IKZF2: variants seen among roughly 807,000 people sequenced by gnomAD.
IKZF2 encodes the protein zinc finger protein Helios.
A neutral mutation model predicts 49.2 loss-of-function variants in IKZF2; 15 were observed. That is an observed-to-expected ratio of 0.30 (90% CI 0.20 to 0.47). The LOEUF is 0.47. Ranked by LOEUF, IKZF2 falls within the 20% of genes least tolerant of loss-of-function variation. The pLI is 1.00. For missense variants in IKZF2, 567 were observed against 664.6 expected, an observed-to-expected ratio of 0.85 and a Z score of 1.61; for synonymous variants, 227 against 221.4, an observed-to-expected ratio of 1.03 and a Z score of -0.23.
chr2:213,151,788 A>T (rs1000250173), upstream of IKZF2, among the ~76,000 whole-genome samples: 1 of 146,640 alleles, frequency 6.8e-6, no homozygotes, highest in Non-Finnish European at 1.5e-5. Context: ...GGGCGAGCGG[A>T]CGTGCGTGCG....
At chr2:213,079,489 AAAAG>A (rs1280635648) in intron 4 of IKZF2, among the ~76,000 whole-genome samples, 4 of 148,826 alleles carry the variant, frequency 2.7e-5, no homozygotes, top group Non-Finnish European at 4.5e-5. Flanking sequence ...GAGAGAGAAA[AAAAG>A]AAAGAGAGAG....
In IKZF2 at chr2:213,006,567, G is replaced by A. The variant is rs914696895; in HGVS notation, c.*793C>T. ...CCTTTTATCCACTCTTAGACCATATGTTATTCTGAAAACTACATAAAAATA... is the reference window on the plus strand; with the variant it reads ...CCTTTTATCCACTCTTAGACCATATATTATTCTGAAAACTACATAAAAATA... On this transcript the variant is annotated 3_prime_UTR_variant, in exon 9 of 9. Transcript: ENST00000434687. The A allele has an allele frequency of 6.6e-6, 1 of 152,384 alleles. No homozygotes were observed. The highest frequency in any genetic ancestry group is 2.4e-5 in the African/African-American group (1 of 41,416). The allele number at this position is 152,384 out of a possible 1,614,324, so 9.4% of individuals were successfully genotyped here.
Position 213,015,253 on chromosome 2 carries a change from G to T in IKZF2, c.713-1319C>A, listed in dbSNP as rs1416027247. 4.6e-5 allele frequency: 7 copies of T among 152,146 alleles called. No homozygotes were observed. The East Asian group carries it at 1.4e-3, about 29-fold the overall frequency. The allele number at this position is 152,146 out of a possible 1,614,324, so 9.4% of individuals were successfully genotyped here. On this transcript the variant is annotated intron_variant, in intron 7 of 8. Transcript: ENST00000434687. ...CAAGTTTTGATTAACCTATAGATGG[G>T]TCAAAAAAATTGAATTGTAATCTAC... is the stretch of plus-strand genomic sequence containing the variant.
Position 213,047,808 on chromosome 2 carries a change from T to C in IKZF2, c.574+1905A>G, listed in dbSNP as rs553951807. Among the ~76,000 whole-genome samples, 9 of 152,158 alleles carry C rather than the reference T, an allele frequency of 5.9e-5. No individual in the cohort carries two copies. The East Asian group carries it at 1.4e-3, about 23-fold the overall frequency. On this transcript the variant is annotated intron_variant, in intron 6 of 8. Transcript: ENST00000434687. The stretch of plus-strand genomic sequence containing the variant: ...AATACTTACCTCATAATTTTGGTTA[T>C]TGAAAAATTATAGTAATATAAGAAA...
intron 7 of IKZF2, among the ~76,000 whole-genome samples, chr2:213,021,140 G>A (rs1160888653): frequency 1.3e-5 from 2 of 152,114 alleles, no homozygotes; most frequent in Non-Finnish European, 2.9e-5. Context: ...TTGAACCGGG[G>A]AGGCAGAGGT....
At chr2:213,074,575 T>C (rs565684285) in intron 4 of IKZF2, among the ~76,000 whole-genome samples, 7 of 152,300 alleles carry the variant, frequency 4.6e-5, no homozygotes, top group African/African-American at 9.6e-5. Flanking sequence ...AGATGGAACA[T>C]TAGTTAGAAT....
At chr2:213,023,732 C>T (rs1697486794) in intron 6 of IKZF2, among the ~76,000 whole-genome samples, 1 of 152,104 alleles carries the variant, frequency 6.6e-6, no homozygotes, top group South Asian at 2.1e-4. Flanking sequence ...TGAATTTATA[C>T]TGAACAAGTT....
At chr2:213,127,994 T>C (rs554889399) in intron 4 of IKZF2, among the ~76,000 whole-genome samples, 26 of 151,648 alleles carry the variant, frequency 1.7e-4, no homozygotes, top group African/African-American at 6.3e-4. Flanking sequence ...TAGAAAAAGC[T>C]AAATAAAGTT....
intron 5 of IKZF2, among the ~76,000 whole-genome samples, chr2:213,056,120 C>T (rs951650838): frequency 3.3e-5 from 5 of 151,936 alleles, no homozygotes; most frequent in Non-Finnish European, 5.9e-5. Flanking sequence ...TAAATAAGAC[C>T]TTCTCATTTG....
At position 213,124,235 on chromosome 2, in the gene IKZF2, T is replaced by TGCACTC. The variant is rs1491243894; in HGVS notation, c.139+23472_139+23473insGAGTGC. Reference sequence around the variant, plus strand: ...GCATGTCCTTGTGTGCACGCACACATGCGCTCGCGCGCGCGCGCACACACA... The same window carrying TGCACTC: ...GCATGTCCTTGTGTGCACGCACACATGCACTCGCGCTCGCGCGCGCGCGCACACACA... On this transcript the variant is annotated intron_variant, in intron 4 of 8. Transcript: ENST00000434687. Among the ~76,000 whole-genome samples the TGCACTC allele has an allele frequency of 7.5e-3, 861 of 114,658 alleles. 7 individuals carry two copies. The highest frequency in any genetic ancestry group is 0.043 in the East Asian group (121 of 2,844). 75.2% of individuals were successfully genotyped at this position (114,658 alleles called of 152,430 possible).
chr2:213,099,385 G>T (rs140097901), intron 4 of IKZF2, among the ~76,000 whole-genome samples: 1 of 152,014 alleles, frequency 6.6e-6, no homozygotes, highest in Admixed American at 6.6e-5. Flanking sequence ...TTTGAAAAGG[G>T]ATTCTTTCTT....
chr2:213,075,939 A>C (rs1316137485), intron 4 of IKZF2, among the ~76,000 whole-genome samples: 2 of 152,206 alleles, frequency 1.3e-5, no homozygotes, highest in African/African-American at 4.8e-5. Context: ...CCACCACCAC[A>C]CTCTACCAAA....
chr2:213,146,599 G>A (rs1235019260), intron 4 of IKZF2, among the ~76,000 whole-genome samples: 3 of 151,972 alleles, frequency 2.0e-5, no homozygotes, highest in East Asian at 3.9e-4. Flanking sequence ...AATTTCAGTA[G>A]TATTTACTAA....
Position 213,007,865 on chromosome 2 carries a change from T to C in IKZF2, c.1076A>G (p.Tyr359Cys), listed in dbSNP as rs751327038. Residue 359 changes from tyrosine (Y) to cysteine (C), a missense_variant, in exon 9 of 9, where the codon TAT becomes TGT. Physicochemically the swap from Tyr to Cys is radical, Grantham distance 194. This residue lies in a region of IKZF2 where 310 missense variants were observed against 326.9 expected (regional missense o/e 0.95). Transcript: ENST00000434687. ...PVISSAYSQV[Y>C]HPNRIERPIS... Reference sequence around the variant, plus strand: ...GGGTCTTTCTATCCTATTTGGATGATAGACCTGAGAATAAGCTGAGCTTAT... The same window carrying C: ...GGGTCTTTCTATCCTATTTGGATGACAGACCTGAGAATAAGCTGAGCTTAT... 74 of 1,613,482 alleles carry C rather than the reference T, an allele frequency of 4.6e-5. No individual in the cohort carries two copies. Among genetic ancestry groups the C allele is most frequent in the Non-Finnish European group, 4.4e-5 (52 of 1,179,752 alleles).
chr2:213,041,968 T>C (rs10207031), intron 6 of IKZF2, among the ~76,000 whole-genome samples: 87,465 of 151,994 alleles, frequency 0.58, 26,069 homozygotes, highest in East Asian at 0.76. Flanking sequence ...AGTGACTGAT[T>C]AGCAAAATCC....
chr2:213,006,602 A>T lies in IKZF2; in HGVS notation c.*758T>A, dbSNP rs1157634130. 1 of 152,332 alleles carries T rather than the reference A, an allele frequency of 6.6e-6. No homozygotes were observed. Among genetic ancestry groups the T allele is most frequent in the Non-Finnish European group, 1.5e-5 (1 of 67,964 alleles). The allele number at this position is 152,332 out of a possible 1,614,324, so 9.4% of individuals were successfully genotyped here. On this transcript the variant is annotated 3_prime_UTR_variant, in exon 9 of 9. Transcript: ENST00000434687. ...AAACTACATAAAAATACTATTCCTT[A>T]AAGGTGTTAAAAGTAAGGCTGCCAG... is the stretch of plus-strand genomic sequence containing the variant.
chr2:213,140,211 C>T (rs941313677), intron 4 of IKZF2, among the ~76,000 whole-genome samples: 36 of 151,884 alleles, frequency 2.4e-4, no homozygotes, highest in Admixed American at 1.7e-3. Flanking sequence ...GGGTAGTCAG[C>T]GCTTACATTT....
At chr2:213,043,695 A>T (rs1351716226) in intron 6 of IKZF2, among the ~76,000 whole-genome samples, 1 of 152,168 alleles carries the variant, frequency 6.6e-6, no homozygotes, top group African/African-American at 2.4e-5. Context: ...GGAGCACACC[A>T]AGTAGGTCCC....
chr2:213,102,676 A>AGG (rs138756556), intron 4 of IKZF2, among the ~76,000 whole-genome samples: 4 of 150,048 alleles, frequency 2.7e-5, no homozygotes, highest in Non-Finnish European at 4.4e-5. Context: ...ATTTAAAGGA[A>AGG]GGGGGGGGGT....
Sources: gnomAD v4.1 joint callset for allele counts (sites outside exome capture counted in the v4.1 genomes callset) on GRCh38, gnomAD v4.1.1 for gene constraint, gnomAD v4.1.1 regional missense constraint, MANE v1.5 for transcripts, NCBI Gene and HGNC (gene_info 2026-07-23, HGNC 2026-07-21) for gene names.